The following CTBP2 variants were observed in gnomAD, a reference collection of about 807,000 sequenced individuals.
CTBP2 encodes C-terminal-binding protein 2.
A neutral mutation model predicts 80.3 loss-of-function variants in CTBP2; 30 were observed. That is an observed-to-expected ratio of 0.37 (90% CI 0.28 to 0.51). The LOEUF is 0.51. CTBP2 is among the 20% of genes least tolerant of loss of function. The pLI, the probability that CTBP2 is intolerant of heterozygous loss-of-function variation, is 0.93. For synonymous variants in CTBP2, 594 were observed against 587.4 expected, an observed-to-expected ratio of 1.01 and a Z score of -0.16; for missense variants, 1,212 against 1,375.3, an observed-to-expected ratio of 0.88 and a Z score of 1.88.
At chr10:125,023,804 G>A (rs908858595) in intron 1 of CTBP2, among the ~76,000 whole-genome samples, 3 of 152,052 alleles carry the variant, frequency 2.0e-5, no homozygotes, top group East Asian at 1.9e-4. Context: ...CAAAGCATCC[G>A]AAAATAAAAT....
intron 8 of CTBP2, among the ~76,000 whole-genome samples, chr10:124,991,773 T>C (rs1026404261): frequency 4.6e-5 from 7 of 151,752 alleles, no homozygotes; most frequent in Admixed American, 6.6e-5. Flanking sequence ...AATATACTTA[T>C]TGCCAAGAGC....
intron 1 of CTBP2, among the ~76,000 whole-genome samples, chr10:125,146,560 G>C (rs973611000): frequency 6.6e-6 from 1 of 152,164 alleles, no homozygotes; most frequent in African/African-American, 2.4e-5. Flanking sequence ...TGGGGTTATA[G>C]GCATGAGCCA....
At chr10:125,026,036 G>A (rs1308379076) in intron 1 of CTBP2, 2 of 1,529,346 alleles carry the variant, frequency 1.3e-6, no homozygotes, top group Admixed American at 4.0e-5. Context: ...GCACCCCCCT[G>A]CTCCCCCCAG....
rs571512283 is a variant in CTBP2, at chr10:125,115,022, G to GCTC, written c.-205-3932_-205-3930dup. ...TTGAACTCACATTTTGGCTGTCTAG[G>GCTC]CTCCTCCTCCTACTACTGTCCCGCC... is the stretch of plus-strand genomic sequence containing the variant. On this transcript the variant is annotated intron_variant, in intron 1 of 10. Transcript: ENST00000337195. Among the ~76,000 whole-genome samples, 923 of 152,218 alleles carry GCTC rather than the reference G, an allele frequency of 6.1e-3. 10 individuals are homozygous for GCTC. Among genetic ancestry groups the GCTC allele is most frequent in the African/African-American group, 0.02 (831 of 41,526 alleles).
At position 125,091,935 on chromosome 10, in the gene CTBP2, A is replaced by G. The variant is rs564963603; in HGVS notation, c.-102+19055T>C. On this transcript the variant is annotated intron_variant, in intron 2 of 10. Coordinates refer to the CTBP2 transcript ENST00000337195. ...ATTATTTTTATGGTTCTATTCATAAATGTTCAACATTTGATATTGAAGCTT... is the reference window on the plus strand; with the variant it reads ...ATTATTTTTATGGTTCTATTCATAAGTGTTCAACATTTGATATTGAAGCTT... Among the ~76,000 whole-genome samples the G allele has an allele frequency of 2.0e-5, 3 of 152,294 alleles. No homozygotes were observed. In the South Asian group the frequency reaches 6.2e-4, roughly 32 times the overall value.
intron 3 of CTBP2, chr10:125,000,328 G>A (rs1163369924): frequency 6.6e-6 from 1 of 152,204 alleles, no homozygotes; most frequent in Non-Finnish European, 1.5e-5. Context: ...CTCCCTTCTG[G>A]ATGAGTCAAG....
upstream of CTBP2, among the ~76,000 whole-genome samples, chr10:125,161,968 T>G (rs978189391): frequency 6.6e-6 from 1 of 152,066 alleles, no homozygotes; most frequent in African/African-American, 2.4e-5. Context: ...CTGGGCTAAA[T>G]TCCCCGCCCG....
intron 2 of CTBP2, among the ~76,000 whole-genome samples, chr10:125,052,987 G>A (rs1303027376): frequency 2.0e-5 from 3 of 152,188 alleles, no homozygotes; most frequent in Non-Finnish European, 4.4e-5. Flanking sequence ...CCAGAATGAA[G>A]TTTATGAATA....
Position 125,089,149 on chromosome 10 carries a change from G to A in CTBP2, c.-102+21841C>T, listed in dbSNP as rs77966126. ...GCGACCTACATAGTATTTCAGAGCCGTATGACATGCTGCAAACATTTTTTT... is the reference window on the plus strand; with the variant it reads ...GCGACCTACATAGTATTTCAGAGCCATATGACATGCTGCAAACATTTTTTT... On this transcript the variant is annotated intron_variant, in intron 2 of 10. Transcript: ENST00000337195. Among the ~76,000 whole-genome samples, 453 of 152,282 alleles carry A rather than the reference G, an allele frequency of 3.0e-3. 4 individuals carry two copies. Among genetic ancestry groups the A allele is most frequent in the Non-Finnish European group, 4.8e-3 (327 of 68,026 alleles).
chr10:125,073,710 C>G (rs1488100757), intron 2 of CTBP2, among the ~76,000 whole-genome samples: 1 of 152,146 alleles, frequency 6.6e-6, no homozygotes, highest in Non-Finnish European at 1.5e-5. Context: ...CTAAGTTTCA[C>G]CAAAAAGAAA....
intron 2 of CTBP2, among the ~76,000 whole-genome samples, chr10:125,059,483 G>A (rs934713206): frequency 6.6e-6 from 1 of 152,138 alleles, no homozygotes; most frequent in African/African-American, 2.4e-5. Flanking sequence ...TCGGGAGGCT[G>A]AAGCATTAGA....
intron 2 of CTBP2, 21 bp downstream of exon 4, chr10:125,003,317 G>A (rs1167805133): frequency 8.1e-6 from 13 of 1,604,478 alleles, no homozygotes; most frequent in South Asian, 2.2e-5. Context: ...TGCAGGCCCC[G>A]GCCGGGCAGG....
intron 1 of CTBP2, among the ~76,000 whole-genome samples, chr10:125,006,370 CA>C (rs1337226229): frequency 1.3e-5 from 2 of 152,132 alleles, no homozygotes; most frequent in Non-Finnish European, 2.9e-5. Context: ...ATGGAGGCCA[CA>C]GGAGACCCCC....
chr10:125,070,213 T>A (rs557146315), intron 2 of CTBP2, among the ~76,000 whole-genome samples: 33 of 151,982 alleles, frequency 2.2e-4, no homozygotes, highest in African/African-American at 8.0e-4. Context: ...TAGCCAGGTG[T>A]GGTGGCACGT....
chr10:124,987,130 T>A lies in CTBP2; in HGVS notation c.*2388A>T, dbSNP rs1289517867. On this transcript the variant is annotated 3_prime_UTR_variant, in exon 9 of 9. Transcript: ENST00000309035. Reference sequence around the variant, plus strand: ...GACTGGCTGTTAAAGGCCAAAAATTTTGGTAAATCAATGCTATATTATGCT... The same window carrying A: ...GACTGGCTGTTAAAGGCCAAAAATTATGGTAAATCAATGCTATATTATGCT... 2.0e-5 allele frequency: 3 copies of A among 152,706 alleles called. No individual in the cohort carries two copies. The allele number at this position is 152,706 out of a possible 1,614,324, so 9.5% of individuals were successfully genotyped here. A position where few individuals can be genotyped will look rare whatever the true frequency, so the allele number is the denominator to read the frequency against.
intron 2 of CTBP2, among the ~76,000 whole-genome samples, chr10:125,108,737 G>A (rs183883084): frequency 1.3e-5 from 2 of 152,310 alleles, no homozygotes; most frequent in Non-Finnish European, 2.9e-5. Flanking sequence ...GAGCAGGTGG[G>A]CCAGTGGGGC....
intron 2 of CTBP2, among the ~76,000 whole-genome samples, chr10:125,073,620 C>A (rs993060278): frequency 3.9e-5 from 6 of 152,194 alleles, no homozygotes; most frequent in Admixed American, 2.6e-4. Flanking sequence ...CCGATTTGTA[C>A]GTGGCAAACA....
chr10:125,122,362 G>C (rs1434669936), intron 1 of CTBP2, among the ~76,000 whole-genome samples: 1 of 152,226 alleles, frequency 6.6e-6, no homozygotes, highest in Non-Finnish European at 1.5e-5. Flanking sequence ...CGTGCTTTCT[G>C]AATGAACAAC....
At chr10:125,161,520 G>T (rs1861893917), upstream of CTBP2, among the ~76,000 whole-genome samples, 1 of 151,954 alleles carries the variant, frequency 6.6e-6, no homozygotes, top group Non-Finnish European at 1.5e-5. Flanking sequence ...GCCCCGCACC[G>T]GCCGCTTCTG....
Sources: allele counts gnomAD v4.1 joint callset (sites outside exome capture counted in the v4.1 genomes callset), GRCh38; gene constraint gnomAD v4.1.1; transcripts MANE v1.5; gene names NCBI Gene and HGNC (gene_info 2026-07-23, HGNC 2026-07-21).